RNGTT: variants seen among roughly 807,000 people sequenced by gnomAD.
RNGTT encodes the protein RNA guanylyltransferase and 5'-phosphatase.
A neutral mutation model predicts 79.3 loss-of-function variants in RNGTT; 33 were observed. That is an observed-to-expected ratio of 0.42 (90% CI 0.32 to 0.56). RNGTT has a LOEUF of 0.56. RNGTT is among the 20% of genes least tolerant of loss of function. The probability of loss-of-function intolerance (pLI) is 0.17; values close to 1 mark genes in which losing one functional copy is unlikely to be tolerated. For synonymous variants in RNGTT, 222 were observed against 235.9 expected, an observed-to-expected ratio of 0.94 and a Z score of 0.54; for missense variants, 497 against 739.1, an observed-to-expected ratio of 0.67 and a Z score of 3.80.
intron 13 of RNGTT, among the ~76,000 whole-genome samples, chr6:88,727,578 C>T (rs1230913444): frequency 6.6e-6 from 1 of 152,108 alleles, no homozygotes; most frequent in Admixed American, 6.5e-5. Context: ...AATAGGTCTA[C>T]AAGGTTTTAT....
chr6:88,834,856 C>T (rs77036312), intron 11 of RNGTT, among the ~76,000 whole-genome samples: 1 of 151,306 alleles, frequency 6.6e-6, no homozygotes. Context: ...AAATGAAATA[C>T]ATAAACATAA....
At chr6:88,958,391 G>C (rs757710057) in intron 1 of RNGTT, among the ~76,000 whole-genome samples, 36 of 152,270 alleles carry the variant, frequency 2.4e-4, no homozygotes, top group Middle Eastern at 3.4e-3. Flanking sequence ...AAACTAAAAA[G>C]CTTCTGCACA....
intron 13 of RNGTT, among the ~76,000 whole-genome samples, chr6:88,744,594 TAGA>T (rs1276325710): frequency 6.6e-6 from 1 of 152,076 alleles, no homozygotes; most frequent in Non-Finnish European, 1.5e-5. Flanking sequence ...CAGAAGACAA[TAGA>T]AGAAGAGAAA....
chr6:88,798,464 CA>C (rs202114661), intron 12 of RNGTT, among the ~76,000 whole-genome samples: 19,336 of 126,104 alleles, frequency 0.15, 1,339 homozygotes, highest in Middle Eastern at 0.26. Context: ...GACCCTGTCT[CA>C]AAAAAAAAAA....
chr6:88,856,536 A>T (rs1319480899), intron 8 of RNGTT, among the ~76,000 whole-genome samples: 2 of 152,200 alleles, frequency 1.3e-5, no homozygotes, highest in African/African-American at 4.8e-5. Flanking sequence ...TAAAAGACTA[A>T]GGAAGAAAAA....
intron 13 of RNGTT, among the ~76,000 whole-genome samples, chr6:88,704,736 T>C (rs1776073261): frequency 6.6e-6 from 1 of 152,120 alleles, no homozygotes; most frequent in Non-Finnish European, 1.5e-5. Context: ...GGTATCTTCA[T>C]TCAACATGGT....
At chr6:88,935,444 T>C (rs1784636066) in intron 2 of RNGTT, among the ~76,000 whole-genome samples, 1 of 152,198 alleles carries the variant, frequency 6.6e-6, no homozygotes, top group Non-Finnish European at 1.5e-5. Context: ...TGGGGTGCAG[T>C]GTCTCATGCA....
chr6:88,950,694 T>C (rs1401217623), intron 1 of RNGTT, among the ~76,000 whole-genome samples: 1 of 152,086 alleles, frequency 6.6e-6, no homozygotes, highest in African/African-American at 2.4e-5. Context: ...TAGCCAGGCA[T>C]AGTAGCACAC....
At chr6:88,702,088 A>C (rs1286438918) in intron 13 of RNGTT, among the ~76,000 whole-genome samples, 2 of 151,536 alleles carry the variant, frequency 1.3e-5, no homozygotes, top group Non-Finnish European at 2.9e-5. Context: ...AATAGAAAAC[A>C]TTCCATGCTC....
chr6:88,925,816 T>C (rs1478266742), intron 4 of RNGTT, among the ~76,000 whole-genome samples: 1 of 152,144 alleles, frequency 6.6e-6, no homozygotes, highest in Non-Finnish European at 1.5e-5. Context: ...GAGGCTGTAG[T>C]GTGCTATAAT....
At chr6:88,925,403 CAACATGGTGA>C (rs1784287265) in intron 4 of RNGTT, among the ~76,000 whole-genome samples, 1 of 151,948 alleles carries the variant, frequency 6.6e-6, no homozygotes. Context: ...CCAGCCTAGG[CAACATGGTGA>C]AACAGTGTCT....
At position 88,705,986 on chromosome 6, in the gene RNGTT, T is replaced by C. The variant is rs575875907; in HGVS notation, c.1440-27567A>G. On this transcript the variant is annotated intron_variant, in intron 13 of 15. Coordinates refer to ENST00000369485, the MANE Select transcript of RNGTT (RefSeq NM_003800.5). ...TTGGGGCAGTAGGAAGAATGGAGAG[T>C]AGAGAAGGAAAGAGAAATGAGTAGA... Among the ~76,000 whole-genome samples, 90 of 151,730 alleles carry C rather than the reference T, an allele frequency of 5.9e-4. 1 individual carries two copies. In the South Asian group the frequency reaches 0.019, roughly 31 times the overall value.
intron 11 of RNGTT, among the ~76,000 whole-genome samples, chr6:88,813,027 T>A (rs1303145385): frequency 1.3e-5 from 2 of 152,186 alleles, no homozygotes. Context: ...TTTACATATT[T>A]TAACTTATTT....
At chr6:88,933,937 G>A (rs115878965) in intron 2 of RNGTT, among the ~76,000 whole-genome samples, 1,897 of 152,280 alleles carry the variant, frequency 0.012, 43 homozygotes, top group African/African-American at 0.042. Flanking sequence ...CATGGTGGCT[G>A]TACTAATTTA....
At chr6:88,820,379 C>T (rs1780459004) in intron 11 of RNGTT, among the ~76,000 whole-genome samples, 1 of 152,166 alleles carries the variant, frequency 6.6e-6, no homozygotes, top group Admixed American at 6.5e-5. Flanking sequence ...AATGTCAGAA[C>T]AGGACAAAGA....
At chr6:88,840,470 C>T (rs1389547791) in intron 11 of RNGTT, among the ~76,000 whole-genome samples, 1 of 152,214 alleles carries the variant, frequency 6.6e-6, no homozygotes, top group Non-Finnish European at 1.5e-5. Context: ...AATCTTGGCT[C>T]ACTGTAGCCT....
intron 4 of RNGTT, among the ~76,000 whole-genome samples, chr6:88,924,087 C>T (rs913685903): frequency 2.6e-5 from 4 of 152,188 alleles, no homozygotes; most frequent in African/African-American, 7.2e-5. Context: ...CAGGATAGTG[C>T]TGGCTGGCTT....
At chr6:88,725,206 T>A (rs533942383) in intron 13 of RNGTT, among the ~76,000 whole-genome samples, 1 of 152,332 alleles carries the variant, frequency 6.6e-6, no homozygotes, top group South Asian at 2.1e-4. Context: ...CGCCCCCTTG[T>A]GGCAGCCTCA....
At chr6:88,727,696 T>C (rs1776967059) in intron 13 of RNGTT, among the ~76,000 whole-genome samples, 1 of 152,150 alleles carries the variant, frequency 6.6e-6, no homozygotes. Flanking sequence ...GGTGTTTGGC[T>C]TTTTTTGGTC....
Sources: allele counts gnomAD v4.1 joint callset (sites outside exome capture counted in the v4.1 genomes callset), GRCh38; gene constraint gnomAD v4.1.1; transcripts MANE v1.5; gene names NCBI Gene and HGNC (gene_info 2026-07-23, HGNC 2026-07-21).